SGIP1: variants seen among roughly 807,000 people sequenced by gnomAD.
SGIP1 encodes SH3-containing GRB2-like protein 3-interacting protein 1.
Under a neutral mutation model 107.5 loss-of-function variants are expected in SGIP1, and 38 were observed. That is an observed-to-expected ratio of 0.35 (90% CI 0.27 to 0.46). SGIP1 has a LOEUF of 0.46. Ranked by LOEUF, SGIP1 falls within the 20% of genes least tolerant of loss-of-function variation. The pLI is 1.00. For synonymous variants in SGIP1, 365 were observed against 366.1 expected (o/e 1.00, Z 0.03); for missense variants, 929 against 1,019.5 (o/e 0.91, Z 1.21).
intron 1 of SGIP1, among the ~76,000 whole-genome samples, chr1:66,616,510 A>C (rs1174778689): frequency 6.6e-6 from 1 of 152,200 alleles, no homozygotes; most frequent in African/African-American, 2.4e-5. Flanking sequence ...TAGCTGAGAA[A>C]ACTGAGACTC....
chr1:66,581,633 T>G (rs2061837400), intron 1 of SGIP1, among the ~76,000 whole-genome samples: 1 of 152,052 alleles, frequency 6.6e-6, no homozygotes, highest in Admixed American at 6.6e-5. Context: ...CTCTTAAGTT[T>G]AAAATGCTTT....
Position 66,682,371 on chromosome 1 carries a change from T to TCACC in SGIP1, c.1315+2_1315+3insCACC. The TCACC allele has an allele frequency of 6.2e-7, 1 of 1,607,834 alleles. No homozygotes were observed. The highest frequency in any genetic ancestry group is 8.5e-7 in the Non-Finnish European group (1 of 1,178,162). ...GCCCTGGTCCGGGGACCACCAGTGG[T>TCACC]ATGTCTTATGCTTGAGTGTGCTTCT... On this transcript the variant is annotated splice_region_variant and intron_variant, in intron 15 of 24. Transcript: ENST00000371037.
At chr1:66,537,476 A>G (rs1384324720) in intron 1 of SGIP1, among the ~76,000 whole-genome samples, 1 of 152,134 alleles carries the variant, frequency 6.6e-6, no homozygotes, top group African/African-American at 2.4e-5. Flanking sequence ...AGATAACTGG[A>G]ACTAAGTCAG....
chr1:66,582,586 T>A (rs111878557), intron 1 of SGIP1, among the ~76,000 whole-genome samples: 3,363 of 151,922 alleles, frequency 0.022, 119 homozygotes, highest in African/African-American at 0.076. Context: ...GAGTTAACAG[T>A]TTCCAGTCAA....
At chr1:66,678,825 C>T (rs1055667430) in intron 13 of SGIP1, among the ~76,000 whole-genome samples, 3 of 152,112 alleles carry the variant, frequency 2.0e-5, no homozygotes, top group Non-Finnish European at 2.9e-5. Context: ...CCTCCCTCTG[C>T]GTTTAGGTTA....
At chr1:66,544,402 C>T (rs778993040) in intron 1 of SGIP1, among the ~76,000 whole-genome samples, 5 of 152,142 alleles carry the variant, frequency 3.3e-5, no homozygotes, top group Non-Finnish European at 5.9e-5. Context: ...AACCAGAATA[C>T]AGGCCGGGAG....
chr1:66,668,597 C>T (rs2083103786), intron 9 of SGIP1, among the ~76,000 whole-genome samples: 1 of 152,210 alleles, frequency 6.6e-6, no homozygotes, highest in Admixed American at 6.5e-5. Context: ...CTGAAGACAA[C>T]ACTCTCTGAA....
At chr1:66,690,167 C>T in intron 16 of SGIP1, 23 bp from the exon 17 acceptor site, 3 of 1,600,140 alleles carry the variant, frequency 1.9e-6, no homozygotes, top group Admixed American at 1.7e-5. Context: ...TCTAACTTTT[C>T]ATCTCTTTTC....
intron 19 of SGIP1, among the ~76,000 whole-genome samples, chr1:66,720,817 T>A (rs1265307728): frequency 6.6e-6 from 1 of 152,178 alleles, no homozygotes; most frequent in Non-Finnish European, 1.5e-5. Context: ...TTTGAAACAG[T>A]GATAATTAAA....
chr1:66,661,841 C>A (rs916282653), intron 8 of SGIP1, among the ~76,000 whole-genome samples: 1 of 152,116 alleles, frequency 6.6e-6, no homozygotes, highest in Non-Finnish European at 1.5e-5. Flanking sequence ...TTGTCCTTCA[C>A]GGCAATTTTA....
At chr1:66,672,701 G>A (rs753577383) in intron 11 of SGIP1, among the ~76,000 whole-genome samples, 6 of 151,936 alleles carry the variant, frequency 3.9e-5, no homozygotes, top group Non-Finnish European at 8.8e-5. Context: ...AGGGATGCGA[G>A]TTTAACTTAT....
intron 1 of SGIP1, among the ~76,000 whole-genome samples, chr1:66,562,229 C>T (rs988227115): frequency 3.3e-5 from 5 of 151,894 alleles, no homozygotes; most frequent in African/African-American, 4.8e-5. Context: ...TTTTGGAGAG[C>T]GGCAACTTCT....
chr1:66,695,554 T>G, intron 18 of SGIP1, 61 bp downstream of exon 18: 1 of 1,534,730 alleles, frequency 6.5e-7, no homozygotes, highest in Non-Finnish European at 9.0e-7. Context: ...TATTTCCCCA[T>G]TTGCATTTCC....
intron 1 of SGIP1, among the ~76,000 whole-genome samples, chr1:66,556,473 G>A (rs1344704211): frequency 6.6e-6 from 1 of 152,138 alleles, no homozygotes; most frequent in African/African-American, 2.4e-5. Context: ...CCCACTGATT[G>A]AGTTGGCTCA....
At chr1:66,608,755 A>G (rs903937652) in intron 1 of SGIP1, among the ~76,000 whole-genome samples, 4 of 152,150 alleles carry the variant, frequency 2.6e-5, no homozygotes, top group Non-Finnish European at 5.9e-5. Context: ...CGCTGACCTT[A>G]AAACGGGAGG....
intron 7 of SGIP1, among the ~76,000 whole-genome samples, chr1:66,659,956 AAGAAAGAAAGAAAG>A (rs1557495642): frequency 6.7e-5 from 2 of 30,066 alleles, no homozygotes; most frequent in Non-Finnish European, 1.1e-4. Flanking sequence ...AAGAAAAAGA[AAGAAAGAAAGAAAG>A]AAAGAAAGAA....
intron 18 of SGIP1, among the ~76,000 whole-genome samples, chr1:66,699,960 G>A (rs1557676491): frequency 6.6e-6 from 1 of 152,258 alleles, no homozygotes; most frequent in East Asian, 1.9e-4. Flanking sequence ...TAACATCTGA[G>A]TATTTACCAT....
chr1:66,585,835 A>G (rs2062528931), intron 1 of SGIP1, among the ~76,000 whole-genome samples: 1 of 152,130 alleles, frequency 6.6e-6, no homozygotes. Context: ...ACCAAGTTCC[A>G]TGCTTATGAA....
Position 66,739,460 on chromosome 1 carries a change from C to A in SGIP1, c.2157C>A (p.Ala719=). The A allele has an allele frequency of 1.9e-6, 3 of 1,614,124 alleles. No individual in the cohort carries two copies. The highest frequency in any genetic ancestry group is 2.5e-6 in the Non-Finnish European group (3 of 1,180,030). The change falls in exon 22 of 25, where the codon GCC becomes GCA. Residue 719 remains alanine, a synonymous_variant. Coordinates refer to ENST00000371037, the MANE Select transcript of SGIP1 (RefSeq NM_032291.4). ...YNTDAMTTAV[A]LNNVQFLVPI... ...CAGATGCAATGACGACTGCTGTGGCCCTCAACAATGTGCAGTTCCTGGTCC... is the reference window on the plus strand; with the variant it reads ...CAGATGCAATGACGACTGCTGTGGCACTCAACAATGTGCAGTTCCTGGTCC...
Sources: allele counts gnomAD v4.1 joint callset (sites outside exome capture counted in the v4.1 genomes callset), GRCh38; gene constraint gnomAD v4.1.1; transcripts MANE v1.5; gene names NCBI Gene and HGNC (gene_info 2026-07-23, HGNC 2026-07-21).